Variants in CCM2L observed in about 807,000 individuals in gnomAD.
CCM2L encodes CCM2 like scaffold protein.
CCM2L carries 36 observed loss-of-function variants against 54.1 expected under a neutral mutation model. The observed-to-expected ratio is 0.67, with a 90% CI of 0.51 to 0.88. The LOEUF (loss-of-function observed/expected upper bound fraction) is 0.88. Among genes scored for constraint, CCM2L ranks in the 40% least tolerant of loss-of-function variants. The pLI is 0.00. For missense variants in CCM2L, 700 were observed against 812.1 expected (o/e 0.86, Z 1.68); for synonymous variants, 351 against 359.3 (o/e 0.98, Z 0.26).
In CCM2L at chr20:32,019,125, G is replaced by T; in HGVS notation, c.649G>T (p.Gly217Trp). 1 of 1,151,568 alleles carries T rather than the reference G, an allele frequency of 8.7e-7. No homozygotes were observed. Among genetic ancestry groups the T allele is most frequent in the Admixed American group, 4.7e-5 (1 of 21,194 alleles). 71.3% of individuals were successfully genotyped at this position (1,151,568 alleles called of 1,614,324 possible). Residue 217 changes from glycine (G) to tryptophan (W), a missense_variant, in exon 5 of 10, where the codon GGG (glycine) becomes TGG (tryptophan). Physicochemically the swap from Gly to Trp is radical, Grantham distance 184 (BLOSUM62 -2). Transcript: ENST00000452892. ...WGGGAAEARA[G>W]GGGGGSLERQ... ...TGGGGGCGCCGCGGAGGCCCGGGCC[G>T]GGGGAGGCGGCGGCGGCAGCTTGGA...
rs147157634 is a variant in CCM2L, at chr20:32,019,962, C to G, written c.933+553C>G. 1.7e-3 allele frequency among the ~76,000 whole-genome samples: 264 copies of G among 152,304 alleles called. 1 individual carries two copies. Among genetic ancestry groups the G allele is most frequent in the African/African-American group, 5.9e-3 (246 of 41,562 alleles). Reference sequence around the variant, plus strand: ...CTAAGATGGCCACCCAAGAGAGAAGCCTTCCTGCCATTCTTCCTTCCCCCT... The same window carrying G: ...CTAAGATGGCCACCCAAGAGAGAAGGCTTCCTGCCATTCTTCCTTCCCCCT... On this transcript the variant is annotated intron_variant, in intron 5 of 9. Transcript: ENST00000452892.
At chr20:32,029,558 G>A in intron 8 of CCM2L, 142 bp from the exon 9 acceptor site, 2 of 1,071,142 alleles carry the variant, frequency 1.9e-6, no homozygotes, top group South Asian at 3.5e-5. Flanking sequence ...AAGGGATCTA[G>A]ATGTCCTCTG....
rs371336889 is a variant in CCM2L at position 32,030,563 on chromosome 20, C to T, written c.1403-438C>T. On this transcript the variant is annotated intron_variant, in intron 9 of 9. Coordinates refer to ENST00000452892, the MANE Select transcript of CCM2L (RefSeq NM_001365692.1). The stretch of plus-strand genomic sequence containing the variant: ...CTAATAATAACAAAAATAGGCCTGG[C>T]GAGGTGGCTCACACCTGTAATCCCA... 3.8e-4 allele frequency among the ~76,000 whole-genome samples: 58 copies of T among 152,038 alleles called. No homozygotes were observed. In the South Asian group the frequency reaches 5.8e-3, roughly 15 times the overall value.
In CCM2L at chr20:32,022,763, C is replaced by T; in HGVS notation, c.1037C>T (p.Ser346Phe). ...GACCGGGCTGGCTACCACTACACATCCACACCTGAACGGCCATGGCTCTGC... is the reference window on the plus strand; with the variant it reads ...GACCGGGCTGGCTACCACTACACATTCACACCTGAACGGCCATGGCTCTGC... The part of the protein sequence containing the change: ...CVDRAGYHYT[S>F]TPERPWLCSR... Residue 346 changes from serine to phenylalanine, a missense_variant, in exon 6 of 10, where the codon TCC becomes TTC. Transcript: ENST00000452892. 6.2e-7 allele frequency: 1 copy of T among 1,613,634 alleles called. No individual in the cohort carries two copies. Among genetic ancestry groups the T allele is most frequent in the East Asian group, 2.2e-5 (1 of 44,870 alleles).
chr20:32,026,042 G>A, intron 7 of CCM2L, 123 bp downstream of exon 7: 1 of 665,568 alleles, frequency 1.5e-6, no homozygotes, highest in South Asian at 1.6e-5. Flanking sequence ...GGCACTAAGA[G>A]GGGGAGGTAA....
At chr20:32,018,894 G>A (rs1487084817) in intron 4 of CCM2L, 49 bp from the exon 5 acceptor site, 4 of 1,253,002 alleles carry the variant, frequency 3.2e-6, no homozygotes, top group Non-Finnish European at 4.0e-6. Flanking sequence ...GGGCGGGGGG[G>A]TCTCTGAGTC....
At chr20:32,025,515 C>T (rs562518842) in intron 6 of CCM2L, among the ~76,000 whole-genome samples, 18 of 152,330 alleles carry the variant, frequency 1.2e-4, no homozygotes, top group Non-Finnish European at 2.1e-4. Context: ...AGTCCTCCTG[C>T]CTTGGCCTCC....
At chr20:32,016,475 G>A (rs1385684655) in intron 2 of CCM2L, among the ~76,000 whole-genome samples, 3 of 151,880 alleles carry the variant, frequency 2.0e-5, no homozygotes, top group African/African-American at 7.3e-5. Context: ...AGTAGAGATG[G>A]TGAAACCCGT....
In CCM2L at chr20:32,022,764, C is replaced by G; in HGVS notation, c.1038C>G (p.Ser346=). 6.2e-7 allele frequency: 1 copy of G among 1,613,416 alleles called. No homozygotes were observed. ...ACCGGGCTGGCTACCACTACACATC[C>G]ACACCTGAACGGCCATGGCTCTGCA... ...CVDRAGYHYT[S]TPERPWLCSR... is the part of the protein sequence containing the mutation. The change falls in exon 6 of 10, where the codon TCC becomes TCG. Residue 346 remains serine (S), a synonymous_variant. Coordinates refer to ENST00000452892, the MANE Select transcript of CCM2L (RefSeq NM_001365692.1).
intron 7 of CCM2L, among the ~76,000 whole-genome samples, 174 bp downstream of exon 7, chr20:32,026,093 C>T (rs1488855890): frequency 2.6e-5 from 4 of 152,170 alleles, no homozygotes; most frequent in African/African-American, 4.8e-5. Flanking sequence ...GATCCAGACC[C>T]TTGAGAGACC....
At chr20:32,013,143 T>A (rs982537837) in intron 1 of CCM2L, among the ~76,000 whole-genome samples, 7 of 152,078 alleles carry the variant, frequency 4.6e-5, no homozygotes, top group Non-Finnish European at 7.4e-5. Context: ...ACTAAAAATT[T>A]AAAAAATTAG....
chr20:32,018,583 A>AG (rs2064764441), intron 4 of CCM2L, among the ~76,000 whole-genome samples: 1 of 151,512 alleles, frequency 6.6e-6, no homozygotes, highest in Non-Finnish European at 1.5e-5. Context: ...TCAGAATCCA[A>AG]GGGGGCGGTC....
intron 1 of CCM2L, among the ~76,000 whole-genome samples, chr20:32,010,799 C>T (rs142123448): frequency 7.2e-5 from 11 of 152,150 alleles, no homozygotes; most frequent in African/African-American, 1.7e-4. Context: ...CTCCCTCCTG[C>T]AGCCTCTCAG....
rs2064774759 is a variant in CCM2L at position 32,019,164 on chromosome 20, GGGGCGC to G, written c.694_699del (p.Arg232_Ala233del). 3 of 1,121,626 alleles carry G rather than the reference GGGGCGC, an allele frequency of 2.7e-6. No homozygotes were observed. Among genetic ancestry groups the G allele is most frequent in the Non-Finnish European group, 2.2e-6 (2 of 911,044 alleles). The allele number at this position is 1,121,626 out of a possible 1,614,324, so 69.5% of individuals were successfully genotyped here. A position where few individuals can be genotyped will look rare whatever the true frequency, so the allele number is the denominator to read the frequency against. ...CGGCAGCTTGGAGCGCCAGCGCGCC[GGGGCGC>G]GGGCGTCGGGCAGCTGGGAGCGACG... is the stretch of plus-strand genomic sequence containing the variant. On this transcript the variant is annotated inframe_deletion, in exon 5 of 10. Transcript: ENST00000452892.
chr20:32,016,643 G>A (rs968809964), intron 2 of CCM2L, among the ~76,000 whole-genome samples: 4 of 151,948 alleles, frequency 2.6e-5, no homozygotes, highest in African/African-American at 9.7e-5. Flanking sequence ...GCGACAGTGC[G>A]AGACTCCAGC....
chr20:32,017,553 C>A (rs549219120), intron 2 of CCM2L, among the ~76,000 whole-genome samples: 28 of 152,180 alleles, frequency 1.8e-4, no homozygotes, highest in Non-Finnish European at 3.7e-4. Context: ...TGGGCAAGTT[C>A]TTTAGTTAGC....
chr20:32,020,574 C>T (rs2064795510), intron 5 of CCM2L, among the ~76,000 whole-genome samples: 1 of 152,232 alleles, frequency 6.6e-6, no homozygotes, highest in Admixed American at 6.5e-5. Context: ...GTTTCCCTGT[C>T]ACAATTAATA....
At position 32,017,974 on chromosome 20, in the gene CCM2L, T is replaced by C. The variant is rs766145413; in HGVS notation, c.283-5T>C. On this transcript the variant is annotated splice_region_variant and splice_polypyrimidine_tract_variant and intron_variant, in intron 3 of 9. Transcript: ENST00000452892. ...CGGGAACTCGAGATCTGCCCCTCCCTGCAGCAGCTGAAGGAGCTGCCGCTG... is the reference window on the plus strand; with the variant it reads ...CGGGAACTCGAGATCTGCCCCTCCCCGCAGCAGCTGAAGGAGCTGCCGCTG... 13 of 1,613,348 alleles carry C rather than the reference T, an allele frequency of 8.1e-6. 1 individual carries two copies. In the Admixed American group the frequency reaches 1.7e-4, roughly 21 times the overall value.
Position 32,019,266 on chromosome 20 carries a change from G to C in CCM2L, c.790G>C (p.Gly264Arg). 1 of 1,222,096 alleles carries C rather than the reference G, an allele frequency of 8.2e-7. No individual in the cohort carries two copies. The highest frequency in any genetic ancestry group is 3.2e-5 in the East Asian group (1 of 31,562). The allele number at this position is 1,222,096 out of a possible 1,614,324, so 75.7% of individuals were successfully genotyped here. A position where few individuals can be genotyped will look rare whatever the true frequency, so the allele number is the denominator to read the frequency against. Reference sequence around the variant, plus strand: ...CGGCGGCGGCGGCGCGGGAAAGCCGGGCGGTAGCTGGGAGCGGAGGCAGGC... The same window carrying C: ...CGGCGGCGGCGGCGCGGGAAAGCCGCGCGGTAGCTGGGAGCGGAGGCAGGC... ...GGGGGGAGKP[G>R]GSWERRQAGS... The change falls in exon 5 of 10, where the codon GGC (glycine) becomes CGC (arginine). Residue 264 changes from glycine to arginine, a missense_variant. Coordinates refer to ENST00000452892, the MANE Select transcript of CCM2L (RefSeq NM_001365692.1).
Sources: allele counts gnomAD v4.1 joint callset (sites outside exome capture counted in the v4.1 genomes callset), GRCh38; gene constraint gnomAD v4.1.1; transcripts MANE v1.5; gene names NCBI Gene and HGNC (gene_info 2026-07-23, HGNC 2026-07-21).